Variants in CHSY3 observed in about 807,000 individuals in gnomAD.
CHSY3 encodes the protein chondroitin sulfate synthase 3, also known as N-acetylgalactosaminyl-proteoglycan 3-beta-glucuronosyltransferase 3.
Under a neutral mutation model 67.2 loss-of-function variants are expected in CHSY3, and 35 were observed. The observed-to-expected ratio is 0.52, with a 90% confidence interval of 0.40 to 0.69. CHSY3 has a LOEUF of 0.69. Among genes scored for constraint, CHSY3 ranks in the 30% least tolerant of loss-of-function variants. CHSY3 has a pLI of 0.00. For synonymous variants in CHSY3, 474 were observed against 434.7 expected (o/e 1.09, Z -1.12); for missense variants, 1,069 against 1,138.5 (o/e 0.94, Z 0.88).
intron 2 of CHSY3, among the ~76,000 whole-genome samples, chr5:130,166,421 G>A (rs1769749341): frequency 1.3e-5 from 2 of 152,026 alleles, no homozygotes; most frequent in Admixed American, 6.6e-5. Context: ...TTTTTGTGGT[G>A]ACAACTTTAT....
chr5:130,015,478 G>GA (rs1011799322), intron 2 of CHSY3, among the ~76,000 whole-genome samples: 3 of 151,826 alleles, frequency 2.0e-5, no homozygotes, highest in Non-Finnish European at 1.5e-5. Context: ...ACAAACATAT[G>GA]AAAAAAAATG....
At chr5:130,047,085 A>G (rs545306667) in intron 2 of CHSY3, among the ~76,000 whole-genome samples, 3 of 152,016 alleles carry the variant, frequency 2.0e-5, no homozygotes, top group East Asian at 3.9e-4. Flanking sequence ...CAGTGGGTAC[A>G]TTTATTTCCA....
chr5:129,937,675 G>A (rs1217463338), intron 2 of CHSY3, among the ~76,000 whole-genome samples: 2 of 152,102 alleles, frequency 1.3e-5, no homozygotes, highest in African/African-American at 4.8e-5. Flanking sequence ...ATATATTGGG[G>A]GTACAGGCAT....
chr5:130,097,017 A>G (rs536950936), intron 2 of CHSY3, among the ~76,000 whole-genome samples: 14 of 152,206 alleles, frequency 9.2e-5, no homozygotes, highest in Non-Finnish European at 1.8e-4. Context: ...CCAAGTGTCT[A>G]ATTTGTTTTT....
intron 2 of CHSY3, among the ~76,000 whole-genome samples, chr5:130,057,898 CACAG>C (rs1736971436): frequency 6.7e-6 from 1 of 149,890 alleles, no homozygotes; most frequent in African/African-American, 2.5e-5. Context: ...CATACATGCA[CACAG>C]AGAGAGAGAG....
chr5:130,156,434 A>G (rs1414071211), intron 2 of CHSY3, among the ~76,000 whole-genome samples: 1 of 152,184 alleles, frequency 6.6e-6, no homozygotes, highest in Non-Finnish European at 1.5e-5. Context: ...TGTTTTGTCT[A>G]CTATTAATTA....
intron 2 of CHSY3, among the ~76,000 whole-genome samples, chr5:130,145,775 TA>T (rs1486053904): frequency 6.6e-6 from 1 of 151,780 alleles, no homozygotes; most frequent in Admixed American, 6.6e-5. Context: ...ATTACCCCAT[TA>T]AAAAATGGAC....
chr5:130,158,757 A>G (rs1224187891), intron 2 of CHSY3, among the ~76,000 whole-genome samples: 1 of 152,184 alleles, frequency 6.6e-6, no homozygotes, highest in African/African-American at 2.4e-5. Flanking sequence ...ACAGACAAAA[A>G]GAAAGTTGTC....
At chr5:129,993,055 C>T (rs147537566) in intron 2 of CHSY3, among the ~76,000 whole-genome samples, 180 of 152,196 alleles carry the variant, frequency 1.2e-3, no homozygotes, top group African/African-American at 3.8e-3. Flanking sequence ...AAATGCTTTA[C>T]CCATATTGTC....
intron 2 of CHSY3, among the ~76,000 whole-genome samples, chr5:130,104,848 CTAAT>C (rs1350018597): frequency 6.6e-6 from 1 of 151,776 alleles, no homozygotes; most frequent in Non-Finnish European, 1.5e-5. Flanking sequence ...GTTTATATGA[CTAAT>C]TAAATGTATC....
At chr5:130,145,408 G>C (rs888419410) in intron 2 of CHSY3, among the ~76,000 whole-genome samples, 15 of 152,020 alleles carry the variant, frequency 9.9e-5, no homozygotes, top group African/African-American at 3.6e-4. Flanking sequence ...GAAGAATGAG[G>C]CTACACCACT....
intron 2 of CHSY3, among the ~76,000 whole-genome samples, chr5:130,042,102 G>A (rs1765020511): frequency 6.6e-6 from 1 of 151,984 alleles, no homozygotes; most frequent in Non-Finnish European, 1.5e-5. Context: ...TGGACATGGT[G>A]GCACATGCCT....
chr5:130,088,077 A>C (rs989166940), intron 2 of CHSY3, among the ~76,000 whole-genome samples: 24 of 152,132 alleles, frequency 1.6e-4, no homozygotes, highest in Non-Finnish European at 3.1e-4. Context: ...ATATACAACT[A>C]TCTGATCTTT....
At position 130,157,709 on chromosome 5, in the gene CHSY3, A is replaced by T. The variant is rs1048942558; in HGVS notation, c.1087-26520A>T. On this transcript the variant is annotated intron_variant, in intron 2 of 2. Transcript: ENST00000305031. ...TTCGAGCAAGAAAGAATTCGAGGTG[A>T]ATCCATAGGGTAAAGTGAAAGCAAG... Among the ~76,000 whole-genome samples the T allele has an allele frequency of 7.2e-5, 11 of 152,384 alleles. No homozygotes were observed. The East Asian group carries it at 1.9e-3, about 27-fold the overall frequency.
chr5:130,181,605 T>C (rs1204930221), intron 2 of CHSY3, among the ~76,000 whole-genome samples: 1 of 152,200 alleles, frequency 6.6e-6, no homozygotes, highest in African/African-American at 2.4e-5. Flanking sequence ...AAATATATCT[T>C]AAGCAGCAGT....
At chr5:129,914,404 C>T (rs918842711) in intron 2 of CHSY3, among the ~76,000 whole-genome samples, 29 of 152,304 alleles carry the variant, frequency 1.9e-4, no homozygotes, top group South Asian at 1.0e-3. Context: ...TAAGCCACCG[C>T]GCCCAGCCAA....
intron 2 of CHSY3, among the ~76,000 whole-genome samples, chr5:130,032,110 A>G (rs553034232): frequency 2.0e-5 from 3 of 152,282 alleles, no homozygotes; most frequent in East Asian, 3.9e-4. Context: ...GTCAGTAAAT[A>G]CCAACTACAT....
At chr5:129,950,371 G>A (rs4615327) in intron 2 of CHSY3, among the ~76,000 whole-genome samples, 143,450 of 152,146 alleles carry the variant, frequency 0.94, 67,731 homozygotes, top group East Asian at 1. Context: ...ACAAAGAAAC[G>A]ATCCCTACTC....
At chr5:129,962,454 C>G (rs1762358426) in intron 2 of CHSY3, among the ~76,000 whole-genome samples, 2 of 152,040 alleles carry the variant, frequency 1.3e-5, no homozygotes, top group Admixed American at 6.6e-5. Flanking sequence ...CACAAACTTC[C>G]TAATGCATCA....
Sources: allele counts gnomAD v4.1 joint callset (sites outside exome capture counted in the v4.1 genomes callset), GRCh38; gene constraint gnomAD v4.1.1; transcripts MANE v1.5; gene names NCBI Gene and HGNC (gene_info 2026-07-23, HGNC 2026-07-21).